MAMLD1: variants seen among roughly 807,000 people sequenced by gnomAD.
MAMLD1 encodes the protein mastermind like domain containing 1.
MAMLD1 carries 14 observed loss-of-function variants against 45.0 expected under a neutral mutation model. The observed-to-expected ratio is 0.31, with a 90% confidence interval of 0.21 to 0.49. The LOEUF is 0.49. Among genes scored for constraint, MAMLD1 ranks in the 20% least tolerant of loss-of-function variants. MAMLD1 has a pLI of 0.99. For synonymous variants in MAMLD1, 254 were observed against 247.8 expected, an observed-to-expected ratio of 1.02 and a Z score of -0.24; for missense variants, 543 against 603.6, an observed-to-expected ratio of 0.90 and a Z score of 1.05.
intron 1 of MAMLD1, among the ~76,000 whole-genome samples, chrX:150,432,975 A>G (rs1376443911): frequency 1.8e-5 from 2 of 111,729 alleles, no homozygotes; most frequent in Admixed American, 1.9e-4. Context: ...TGATAGGAAT[A>G]ATATTGAATC....
intron 2 of MAMLD1, among the ~76,000 whole-genome samples, chrX:150,451,936 A>G (rs1024800614): frequency 2.7e-5 from 3 of 111,401 alleles, no homozygotes; most frequent in Non-Finnish European, 5.7e-5. Context: ...GCAGGCTTCC[A>G]TCACCCTCTC....
intron 5 of MAMLD1, among the ~76,000 whole-genome samples, chrX:150,478,233 G>A (rs1375194832): frequency 4.4e-5 from 5 of 112,485 alleles, no homozygotes; most frequent in Non-Finnish European, 9.4e-5. Context: ...TTCCGATTCT[G>A]ATCAAAGTTA....
chrX:150,440,072 G>A (rs190076404), intron 1 of MAMLD1, among the ~76,000 whole-genome samples: 8 of 111,650 alleles, frequency 7.2e-5, no homozygotes, highest in Non-Finnish European at 7.5e-5. Context: ...AAATCAGGAC[G>A]TGAGTCTTCT....
At chrX:150,430,423 ATTCACAGGGTCT>A (rs201558245) in intron 1 of MAMLD1, among the ~76,000 whole-genome samples, 1,207 of 111,120 alleles carry the variant, frequency 0.011, 19 homozygotes, top group African/African-American at 0.038. Context: ...TTTTCATTCT[ATTCACAGGGTCT>A]TTCACAGGGT....
chrX:150,463,033 G>A (rs782597024), intron 3 of MAMLD1, among the ~76,000 whole-genome samples, 187 bp downstream of exon 3: 3 of 112,167 alleles, frequency 2.7e-5, no homozygotes, highest in Non-Finnish European at 5.6e-5. Flanking sequence ...CTCCAACCTC[G>A]GTTCTGCCTC....
intron 5 of MAMLD1, among the ~76,000 whole-genome samples, chrX:150,474,058 C>T (rs1215735292): frequency 8.9e-6 from 1 of 112,124 alleles, no homozygotes; most frequent in East Asian, 2.8e-4. Context: ...AGCTGGGTCC[C>T]CAAATTGGAA....
At chrX:150,471,558 A>G (rs782329720) in intron 4 of MAMLD1, 68 bp downstream of exon 4, 2 of 1,204,354 alleles carry the variant, frequency 1.7e-6, no homozygotes, top group South Asian at 1.8e-5. Flanking sequence ...CATGTTGCCA[A>G]TATCTGGCTC....
intron 1 of MAMLD1, among the ~76,000 whole-genome samples, chrX:150,381,897 G>C (rs1428357025): frequency 3.6e-5 from 4 of 110,839 alleles, no homozygotes; most frequent in African/African-American, 1.3e-4. Context: ...TCACTGTTGA[G>C]TTTTGCAAGT....
chrX:150,362,154 C>T (rs1011829905), upstream of MAMLD1, among the ~76,000 whole-genome samples: 1 of 112,152 alleles, frequency 8.9e-6, no homozygotes, highest in African/African-American at 3.2e-5. Context: ...AGTCAGGGCG[C>T]GAGCTGGTGA....
At chrX:150,462,594 C>T (rs138035905) in intron 2 of MAMLD1, among the ~76,000 whole-genome samples, 178 bp from the exon 3 acceptor site, 6 of 112,130 alleles carry the variant, frequency 5.4e-5, no homozygotes, top group African/African-American at 1.6e-4. Flanking sequence ...CACTCCACAC[C>T]GGATCCCACA....
chrX:150,449,469 A>G (rs1432064249), intron 2 of MAMLD1, among the ~76,000 whole-genome samples: 1 of 111,475 alleles, frequency 9.0e-6, no homozygotes, highest in East Asian at 2.8e-4. Flanking sequence ...AGACATATCC[A>G]GTAGGAGGAG....
intron 2 of MAMLD1, among the ~76,000 whole-genome samples, chrX:150,457,525 A>G (rs189502634): frequency 4.4e-5 from 5 of 112,747 alleles, no homozygotes; most frequent in African/African-American, 1.6e-4. Flanking sequence ...CTTGTATGCA[A>G]ATGTTCACAG....
chrX:150,411,199 G>T (rs1365045407), intron 1 of MAMLD1, among the ~76,000 whole-genome samples: 2 of 111,777 alleles, frequency 1.8e-5, no homozygotes, highest in Admixed American at 9.4e-5. Context: ...CCTTCACTCT[G>T]GAAGGAAGTC....
rs782199840 is a variant in MAMLD1, at chrX:150,368,499, C to T, written c.-64+4969C>T. On this transcript the variant is annotated intron_variant, in intron 1 of 7. Transcript: ENST00000370401. ...TGAGTAGATTGCAAAAATTTTCTCCCGTTCTGTAGGTTGCCCGTTCACTCT... is the reference window on the plus strand; with the variant it reads ...TGAGTAGATTGCAAAAATTTTCTCCTGTTCTGTAGGTTGCCCGTTCACTCT... 1.9e-4 allele frequency among the ~76,000 whole-genome samples: 21 copies of T among 110,450 alleles called. No homozygotes were observed. The South Asian group carries it at 6.2e-3, about 33-fold the overall frequency.
At chrX:150,504,741 G>A (rs2037673275) in intron 6 of MAMLD1, 2 of 751,993 alleles carry the variant, frequency 2.7e-6, no homozygotes, top group South Asian at 6.8e-5. Context: ...CTCTTCTCAA[G>A]CCAACAGCTT....
chrX:150,430,885 G>A (rs1471012825), intron 1 of MAMLD1, among the ~76,000 whole-genome samples: 1 of 111,839 alleles, frequency 8.9e-6, no homozygotes, highest in Non-Finnish European at 1.9e-5. Context: ...CTTTAAATCA[G>A]GTACACTGGT....
At chrX:150,417,832 C>T (rs2034318498) in intron 1 of MAMLD1, among the ~76,000 whole-genome samples, 2 of 109,234 alleles carry the variant, frequency 1.8e-5, no homozygotes, top group South Asian at 8.2e-4. Flanking sequence ...CTGTTCATGT[C>T]CTTCACCCAC....
chrX:150,457,415 T>C (rs2035902809), intron 2 of MAMLD1, among the ~76,000 whole-genome samples: 1 of 112,347 alleles, frequency 8.9e-6, no homozygotes, highest in Non-Finnish European at 1.9e-5. Context: ...AGTGTGGTGG[T>C]TCCTCAAGAA....
intron 1 of MAMLD1, among the ~76,000 whole-genome samples, chrX:150,406,676 G>A (rs192039649): frequency 1.3e-3 from 141 of 112,065 alleles, no homozygotes; most frequent in Non-Finnish European, 1.9e-3. Flanking sequence ...TGAAGGCCTG[G>A]AGCCCTACCA....
Sources: gnomAD v4.1 joint callset for allele counts (sites outside exome capture counted in the v4.1 genomes callset) on GRCh38, gnomAD v4.1.1 for gene constraint, MANE v1.5 for transcripts, NCBI Gene and HGNC (gene_info 2026-07-23, HGNC 2026-07-21) for gene names.